Variants in MDGA2 observed in about 807,000 individuals in gnomAD.
MDGA2 encodes MAM domain containing glycosylphosphatidylinositol anchor 2, also known as MAM domain-containing glycosylphosphatidylinositol anchor protein 2.
In MDGA2, 40 loss-of-function variants were observed where a neutral mutation model predicts 117.8. That is an observed-to-expected ratio of 0.34 (90% CI 0.26 to 0.44). The LOEUF (loss-of-function observed/expected upper bound fraction) is 0.44. Ranked by LOEUF, MDGA2 falls within the 20% of genes least tolerant of loss-of-function variation. MDGA2 has a pLI of 1.00. For synonymous variants in MDGA2, 452 were observed against 439.0 expected, an observed-to-expected ratio of 1.03 and a Z score of -0.37; for missense variants, 1,123 against 1,250.6, an observed-to-expected ratio of 0.90 and a Z score of 1.54.
intron 2 of MDGA2, among the ~76,000 whole-genome samples, chr14:47,224,439 C>CA (rs1481323437): frequency 1.3e-5 from 2 of 152,016 alleles, no homozygotes; most frequent in Admixed American, 1.3e-4. Context: ...TGGCTGAATC[C>CA]AAAAAGTATA....
intron 1 of MDGA2, among the ~76,000 whole-genome samples, chr14:47,597,843 CAT>C (rs1491049068): frequency 1.6e-4 from 16 of 100,498 alleles, no homozygotes; most frequent in South Asian, 6.9e-4. Flanking sequence ...ACCACACACA[CAT>C]ACACACACAC....
intron 6 of MDGA2, among the ~76,000 whole-genome samples, chr14:47,067,057 G>T (rs987895093): frequency 6.6e-6 from 1 of 152,208 alleles, no homozygotes; most frequent in Non-Finnish European, 1.5e-5. Context: ...GGAGGTTGCA[G>T]TGAGCCAAGA....
At chr14:46,928,477 T>C (rs1184817261) in intron 9 of MDGA2, among the ~76,000 whole-genome samples, 1 of 152,140 alleles carries the variant, frequency 6.6e-6, no homozygotes, top group Non-Finnish European at 1.5e-5. Context: ...TATTAGAGTT[T>C]ATTCTAATAA....
intron 1 of MDGA2, among the ~76,000 whole-genome samples, chr14:47,558,269 T>C (rs1290346194): frequency 2.0e-5 from 3 of 152,168 alleles, no homozygotes; most frequent in Admixed American, 6.5e-5. Flanking sequence ...TAACCTGTGA[T>C]AGGGTTGGGC....
chr14:47,101,131 AGAT>A (rs1880297490), intron 5 of MDGA2, among the ~76,000 whole-genome samples: 1 of 140,224 alleles, frequency 7.1e-6, no homozygotes, highest in Non-Finnish European at 1.6e-5. Flanking sequence ...ATAGACAGAT[AGAT>A]AGAAAGAAAT....
intron 8 of MDGA2, among the ~76,000 whole-genome samples, chr14:46,987,611 C>A (rs994930835): frequency 6.6e-6 from 1 of 151,988 alleles, no homozygotes; most frequent in South Asian, 2.1e-4. Flanking sequence ...TTTTAAGGAG[C>A]AACACTCCTG....
intron 2 of MDGA2, among the ~76,000 whole-genome samples, chr14:47,219,358 G>A (rs114459324): frequency 0.015 from 2,207 of 152,040 alleles, 55 homozygotes; most frequent in African/African-American, 0.048. Flanking sequence ...GAATAAAAAT[G>A]TTATTAAGAG....
chr14:46,886,037 G>A (rs537685144), intron 10 of MDGA2, among the ~76,000 whole-genome samples: 1 of 152,248 alleles, frequency 6.6e-6, no homozygotes, highest in South Asian at 2.1e-4. Context: ...AAGACAGGTT[G>A]TAATAAAAGG....
intron 1 of MDGA2, among the ~76,000 whole-genome samples, chr14:47,567,835 T>A (rs915017656): frequency 5.3e-5 from 8 of 152,138 alleles, no homozygotes; most frequent in Non-Finnish European, 8.8e-5. Context: ...AAATTTTATT[T>A]GTTGTACTTC....
intron 8 of MDGA2, among the ~76,000 whole-genome samples, chr14:47,007,392 A>G (rs1240586832): frequency 1.3e-5 from 2 of 151,766 alleles, no homozygotes; most frequent in Non-Finnish European, 2.9e-5. Context: ...ATGGCTTGAT[A>G]TGTTTGCTGT....
intron 1 of MDGA2, among the ~76,000 whole-genome samples, chr14:47,417,428 T>C (rs1892496586): frequency 6.6e-6 from 1 of 152,194 alleles, no homozygotes. Context: ...CATCTCCACC[T>C]GAGACCTCAT....
intron 1 of MDGA2, among the ~76,000 whole-genome samples, chr14:47,460,089 C>G (rs564306531): frequency 6.6e-6 from 1 of 151,926 alleles, no homozygotes; most frequent in African/African-American, 2.4e-5. Context: ...TAATATTTAA[C>G]GATGAAAGGT....
intron 1 of MDGA2, among the ~76,000 whole-genome samples, chr14:47,383,958 C>G (rs1336375523): frequency 7.1e-6 from 1 of 140,076 alleles, no homozygotes; most frequent in Non-Finnish European, 1.6e-5. Context: ...CATAAAGTCT[C>G]TATGTATAGA....
At chr14:47,139,168 A>C (rs1882596555) in intron 4 of MDGA2, among the ~76,000 whole-genome samples, 1 of 152,076 alleles carries the variant, frequency 6.6e-6, no homozygotes, top group Non-Finnish European at 1.5e-5. Flanking sequence ...TCTAACATTA[A>C]AACTTAAGTA....
intron 1 of MDGA2, among the ~76,000 whole-genome samples, chr14:47,549,372 T>TCTCTCTCTCTCTCTCTCTCTCTA (rs1895535261): frequency 6.6e-6 from 1 of 151,928 alleles, no homozygotes; most frequent in East Asian, 1.9e-4. Flanking sequence ...TCTCTCTCTC[T>TCTCTCTCTCTCTCTCTCTCTCTA]GAAGAACAGT....
chr14:47,185,642 A>G (rs1310013391), intron 3 of MDGA2, among the ~76,000 whole-genome samples: 1 of 151,670 alleles, frequency 6.6e-6, no homozygotes, highest in Non-Finnish European at 1.5e-5. Context: ...TTACCTAGGA[A>G]AGAAAAAATC....
intron 1 of MDGA2, among the ~76,000 whole-genome samples, chr14:47,316,530 TTTAA>T (rs1464792912): frequency 1.3e-5 from 2 of 152,052 alleles, no homozygotes; most frequent in Non-Finnish European, 2.9e-5. Flanking sequence ...AAATAACTTG[TTTAA>T]TTAAGTACTA....
At chr14:47,104,158 T>G (rs1197022081) in intron 5 of MDGA2, among the ~76,000 whole-genome samples, 2 of 152,200 alleles carry the variant, frequency 1.3e-5, no homozygotes, top group Non-Finnish European at 2.9e-5. Flanking sequence ...TTCAGTAAAC[T>G]AAGACTTTGC....
intron 2 of MDGA2, among the ~76,000 whole-genome samples, chr14:47,281,544 C>T (rs1054457747): frequency 6.6e-6 from 1 of 152,176 alleles, no homozygotes; most frequent in African/African-American, 2.4e-5. Flanking sequence ...GAGGTATATA[C>T]TGTCTGGTTG....
Sources: allele counts gnomAD v4.1 joint callset (sites outside exome capture counted in the v4.1 genomes callset), GRCh38; gene constraint gnomAD v4.1.1; transcripts MANE v1.5; gene names NCBI Gene and HGNC (gene_info 2026-07-23, HGNC 2026-07-21).